Variants in MAP3K2 observed in about 807,000 individuals in gnomAD.
MAP3K2 encodes the protein MAP/ERK kinase kinase 2.
A neutral mutation model predicts 80.3 loss-of-function variants in MAP3K2; 24 were observed. The ratio of observed to expected loss-of-function variants is 0.30; its 90% CI spans 0.22 to 0.42. MAP3K2 has a LOEUF of 0.42. MAP3K2 is among the 10% of genes least tolerant of loss of function. The probability of loss-of-function intolerance (pLI) is 1.00; values close to 1 mark genes in which losing one functional copy is unlikely to be tolerated. For missense variants in MAP3K2, 608 were observed against 750.1 expected (o/e 0.81, Z 2.21); for synonymous variants, 244 against 253.7 (o/e 0.96, Z 0.36).
At chr2:127,324,376 G>A in intron 9 of MAP3K2, 135 bp from the exon 10 acceptor site, 2 of 520,130 alleles carry the variant, frequency 3.8e-6, no homozygotes, top group East Asian at 6.4e-5. Flanking sequence ...TGAAAGGTTA[G>A]CATACCTAAA....
chr2:127,323,445 G>A (rs1235192622), intron 11 of MAP3K2, among the ~76,000 whole-genome samples: 2 of 151,992 alleles, frequency 1.3e-5, no homozygotes, highest in Admixed American at 1.3e-4. Flanking sequence ...AGCACTTTGG[G>A]AGGCTGAGGC....
chr2:127,342,619 T>C (rs1033003553), intron 2 of MAP3K2, among the ~76,000 whole-genome samples: 3 of 151,904 alleles, frequency 2.0e-5, no homozygotes, highest in Non-Finnish European at 4.4e-5. Flanking sequence ...TCTAACTAAT[T>C]CCCTGCCTCA....
intron 1 of MAP3K2, among the ~76,000 whole-genome samples, chr2:127,360,107 A>G (rs1686858859): frequency 6.6e-6 from 1 of 152,244 alleles, no homozygotes; most frequent in Non-Finnish European, 1.5e-5. Flanking sequence ...CCAAAAGTGG[A>G]AACCCAAATG....
Position 127,303,805 on chromosome 2 carries a change from A to C in MAP3K2, c.*3774T>G, listed in dbSNP as rs1464652683. 1 of 152,172 alleles carries C rather than the reference A, an allele frequency of 6.6e-6. No homozygotes were observed. Among genetic ancestry groups the C allele is most frequent in the Non-Finnish European group, 1.5e-5 (1 of 68,012 alleles). The allele number at this position is 152,172 out of a possible 1,614,324, so 9.4% of individuals were successfully genotyped here. A position where few individuals can be genotyped will look rare whatever the true frequency, so the allele number is the denominator to read the frequency against. On this transcript the variant is annotated 3_prime_UTR_variant, in exon 17 of 17. Transcript: ENST00000682094. The stretch of plus-strand genomic sequence containing the variant: ...TCAAGCTATCAGTTCCCAGACTCCA[A>C]ATAAAATCACTGGCACAGAACTTTG...
chr2:127,299,849 C>T lies in MAP3K2; in HGVS notation c.*7730G>A, dbSNP rs1413555794. The T allele has an allele frequency of 2.0e-5, 3 of 151,884 alleles. No individual in the cohort carries two copies. The highest frequency in any genetic ancestry group is 7.3e-5 in the African/African-American group (3 of 41,370). 9.4% of individuals were successfully genotyped at this position (151,884 alleles called of 1,614,324 possible). ...AGCTTTTATATATATTTAATTATCA[C>T]AACTAAACAGTACCCTTATAAAACA... On this transcript the variant is annotated 3_prime_UTR_variant, in exon 17 of 17. Transcript: ENST00000682094.
At chr2:127,351,155 T>C (rs1686685238) in intron 1 of MAP3K2, among the ~76,000 whole-genome samples, 1 of 152,148 alleles carries the variant, frequency 6.6e-6, no homozygotes, top group South Asian at 2.1e-4. Flanking sequence ...ATAATCCTGA[T>C]TGAATTATTT....
At chr2:127,378,378 T>C (rs1307596193) in intron 1 of MAP3K2, among the ~76,000 whole-genome samples, 1 of 152,214 alleles carries the variant, frequency 6.6e-6, no homozygotes. Context: ...ATTTGGCAAA[T>C]TAAACAACAC....
chr2:127,372,244 A>G, intron 1 of MAP3K2, among the ~76,000 whole-genome samples: 1 of 152,046 alleles, frequency 6.6e-6, no homozygotes, highest in East Asian at 1.9e-4. Flanking sequence ...AGGTCTGCAT[A>G]TTTCTTCCCC....
Position 127,329,962 on chromosome 2 carries a change from G to A in MAP3K2, c.425C>T (p.Thr142Ile). The change falls in exon 7 of 17, where the codon ACA becomes ATA. Residue 142 changes from threonine to isoleucine, a missense_variant. Thr to Ile is a moderately conservative substitution (Grantham distance 89). Transcript: ENST00000682094. Reference sequence around the variant, plus strand: ...TTTTTTCCTCTCTGCTCCAAATACTGTATTATCCAAATCTTCTAGTGATGG... The same window carrying A: ...TTTTTTCCTCTCTGCTCCAAATACTATATTATCCAAATCTTCTAGTGATGG... ...PLPSLEDLDNTVFGAERKKRL... is the reference protein window; with the variant it reads ...PLPSLEDLDNIVFGAERKKRL... The A allele has an allele frequency of 6.2e-7, 1 of 1,609,474 alleles. No individual in the cohort carries two copies. The highest frequency in any genetic ancestry group is 1.3e-5 in the African/African-American group (1 of 74,896).
intron 4 of MAP3K2, 81 bp downstream of exon 4, chr2:127,337,657 T>C: frequency 2.4e-6 from 2 of 832,344 alleles, no homozygotes; most frequent in African/African-American, 1.8e-5. Context: ...CATTCAAATC[T>C]GAAAAGAACC....
chr2:127,327,757 G>A (rs1396392395), intron 7 of MAP3K2, among the ~76,000 whole-genome samples: 1 of 152,090 alleles, frequency 6.6e-6, no homozygotes, highest in Non-Finnish European at 1.5e-5. Context: ...AAGAAAAATA[G>A]ATAATGGTCA....
intron 15 of MAP3K2, 69 bp from the exon 16 acceptor site, chr2:127,308,831 T>C (rs1475989306): frequency 2.2e-5 from 32 of 1,470,556 alleles, no homozygotes; most frequent in Non-Finnish European, 2.9e-5. Context: ...AAAAGAACAA[T>C]GGCAGAGAAT....
At position 127,321,941 on chromosome 2, in the gene MAP3K2, G is replaced by C. The variant is rs1358537616; in HGVS notation, c.1045+105C>G. On this transcript the variant is annotated intron_variant, in intron 12 of 16. Transcript: ENST00000682094. The surrounding 1 kb of genome is among the most constrained non-coding windows in gnomAD (Gnocchi z 4.4). ...ACACCATTATTACCTTTTTTGAGTA[G>C]TTCATCTGACCCCAAAAACTCACTT... is the stretch of plus-strand genomic sequence containing the variant. 1 of 944,704 alleles carries C rather than the reference G, an allele frequency of 1.1e-6. No individual in the cohort carries two copies. Among genetic ancestry groups the C allele is most frequent in the Admixed American group, 2.2e-5 (1 of 45,310 alleles). 58.5% of individuals were successfully genotyped at this position (944,704 alleles called of 1,614,324 possible).
chr2:127,384,109 ATGGTCT>A (rs1394780127), intron 1 of MAP3K2, among the ~76,000 whole-genome samples: 1 of 151,356 alleles, frequency 6.6e-6, no homozygotes, highest in Non-Finnish European at 1.5e-5. Context: ...GTTAGCCAGG[ATGGTCT>A]TGATCTCCTG....
intron 4 of MAP3K2, among the ~76,000 whole-genome samples, 174 bp from the exon 5 acceptor site, chr2:127,336,143 A>G (rs1686366749): frequency 3.3e-5 from 5 of 152,258 alleles, no homozygotes; most frequent in Admixed American, 2.0e-4. Flanking sequence ...TTCAACACAA[A>G]GTTCAAAAAC....
intron 1 of MAP3K2, among the ~76,000 whole-genome samples, chr2:127,377,360 T>A (rs756704352): frequency 2.0e-5 from 3 of 151,470 alleles, no homozygotes; most frequent in Admixed American, 6.6e-5. Flanking sequence ...TTATAAAAGC[T>A]ATTTAGAATA....
Position 127,314,845 on chromosome 2 carries a change from A to C in MAP3K2, c.1365T>G (p.Leu455=), listed in dbSNP as rs1180796929. 4 of 1,611,140 alleles carry C rather than the reference A, an allele frequency of 2.5e-6. No homozygotes were observed. The African/African-American group carries it at 5.3e-5, about 22-fold the overall frequency. Residue 455 remains leucine, a synonymous_variant, in exon 15 of 17, where the codon CTT becomes CTG. Coordinates refer to ENST00000682094, the MANE Select transcript of MAP3K2 (RefSeq NM_001371910.2). ...IKDQLKAYGA[L]TENVTRKYTR... is the part of the protein sequence containing the mutation. ...TGTATTTCCTAGTCACATTCTCAGT[A>C]AGAGCGCCATATGCTTTTAATTGGT...
Position 127,387,544 on chromosome 2 carries a change from C to A in MAP3K2, c.-158G>T. ...TCCGCCCCAGCGCGGCCTGTCACCG[C>A]GGCCCCAGGTCGGGGGCTGCCGCAG... On this transcript the variant is annotated 5_prime_UTR_variant, in exon 1 of 17. Transcript: ENST00000682094. 1.0e-6 allele frequency: 1 copy of A among 984,998 alleles called. No individual in the cohort carries two copies. Among genetic ancestry groups the A allele is most frequent in the Admixed American group, 6.2e-5 (1 of 16,246 alleles). 61.0% of individuals were successfully genotyped at this position (984,998 alleles called of 1,614,324 possible).
intron 1 of MAP3K2, among the ~76,000 whole-genome samples, chr2:127,356,087 C>T (rs1400325866): frequency 6.6e-6 from 1 of 152,114 alleles, no homozygotes; most frequent in East Asian, 1.9e-4. Flanking sequence ...CTGCTATTTC[C>T]ATCAAATCTG....
Sources: gnomAD v4.1 joint callset for allele counts (sites outside exome capture counted in the v4.1 genomes callset) on GRCh38, gnomAD v4.1.1 for gene constraint, Gnocchi (gnomAD v3.1) non-coding constraint, MANE v1.5 for transcripts, NCBI Gene and HGNC (gene_info 2026-07-23, HGNC 2026-07-21) for gene names.